ANKRD30A: variants seen among roughly 807,000 people sequenced by gnomAD.
ANKRD30A encodes ankyrin repeat domain 30A, also known as ankyrin repeat domain-containing protein 30A.
In ANKRD30A, 170 loss-of-function variants were observed where a neutral mutation model predicts 166.3. The observed-to-expected ratio is 1.02, with a 90% CI of 0.90 to 1.16. The LOEUF (loss-of-function observed/expected upper bound fraction) is 1.16, where lower values mean the gene tolerates loss of function less well. Among genes scored for constraint, ANKRD30A ranks in the 50% most tolerant of loss-of-function variants. The pLI is 0.00. For synonymous variants in ANKRD30A, 564 were observed against 508.9 expected, an observed-to-expected ratio of 1.11 and a Z score of -1.46; for missense variants, 1,630 against 1,518.0, an observed-to-expected ratio of 1.07 and a Z score of -1.23.
At chr10:37,201,943 T>A (rs921036947) in intron 31 of ANKRD30A, among the ~76,000 whole-genome samples, 1 of 151,986 alleles carries the variant, frequency 6.6e-6, no homozygotes, top group African/African-American at 2.4e-5. Flanking sequence ...ACCAGAAATT[T>A]TCATAGAAAA....
chr10:37,230,764 CT>C (rs1237960720), intron 34 of ANKRD30A, among the ~76,000 whole-genome samples: 6 of 152,062 alleles, frequency 3.9e-5, no homozygotes, highest in African/African-American at 1.4e-4. Context: ...TAAAAGCATC[CT>C]TGTGAAATGG....
chr10:37,150,746 A>T (rs893768751), intron 11 of ANKRD30A, among the ~76,000 whole-genome samples: 4 of 152,124 alleles, frequency 2.6e-5, no homozygotes, highest in African/African-American at 9.7e-5. Context: ...TTAATTGCAC[A>T]ATTTTTATGC....
chr10:37,200,203 G>T (rs1330717985), intron 30 of ANKRD30A, among the ~76,000 whole-genome samples: 1 of 152,124 alleles, frequency 6.6e-6, no homozygotes, highest in African/African-American at 2.4e-5. Context: ...TAAAAGTTGG[G>T]ACCTGAAAAG....
intron 30 of ANKRD30A, among the ~76,000 whole-genome samples, chr10:37,200,182 C>T (rs1841506243): frequency 6.6e-6 from 1 of 151,972 alleles, no homozygotes; most frequent in South Asian, 2.1e-4. Flanking sequence ...ACAGTTTAAG[C>T]TGCAGTATTG....
chr10:37,194,204 T>G (rs968304321), intron 27 of ANKRD30A, among the ~76,000 whole-genome samples: 1 of 152,056 alleles, frequency 6.6e-6, no homozygotes, highest in East Asian at 1.9e-4. Flanking sequence ...AGCAAAGAAA[T>G]AAAAACACAA....
At chr10:37,205,416 A>G (rs918976868) in intron 31 of ANKRD30A, among the ~76,000 whole-genome samples, 19 of 138,936 alleles carry the variant, frequency 1.4e-4, no homozygotes, top group African/African-American at 4.8e-4. Context: ...ACTTGGACAC[A>G]GGAAGTGCAA....
chr10:37,240,419 C>T, the ANKRD30A span, among the ~76,000 whole-genome samples: 3 of 152,126 alleles, frequency 2.0e-5, no homozygotes, highest in Non-Finnish European at 4.4e-5. Flanking sequence ...AGTTCATAAG[C>T]AGTCACGTGA....
the ANKRD30A span, among the ~76,000 whole-genome samples, chr10:37,247,677 C>T: frequency 1.3e-5 from 2 of 150,464 alleles, no homozygotes; most frequent in Non-Finnish European, 3.0e-5. Flanking sequence ...CGAGACCATC[C>T]TGGCTAACGT....
chr10:37,215,017 T>C (rs1263446039), intron 31 of ANKRD30A, among the ~76,000 whole-genome samples: 1 of 151,590 alleles, frequency 6.6e-6, no homozygotes, highest in African/African-American at 2.4e-5. Flanking sequence ...ATCTACTCAG[T>C]GTAGCTTTCA....
At position 37,159,827 on chromosome 10, in the gene ANKRD30A, T is replaced by G. The variant is rs1393331663; in HGVS notation, c.1900+1241T>G. Among the ~76,000 whole-genome samples the G allele has an allele frequency of 2.0e-5, 3 of 152,242 alleles. No individual in the cohort carries two copies. The East Asian group carries it at 5.8e-4, about 29-fold the overall frequency. ...CTCCTGCCTCAGCCTCCCGAGTAGCTGGGACTCCAGGCGCCTGCCACCATG... is the reference window on the plus strand; with the variant it reads ...CTCCTGCCTCAGCCTCCCGAGTAGCGGGGACTCCAGGCGCCTGCCACCATG... On this transcript the variant is annotated intron_variant, in intron 15 of 35. Coordinates refer to ENST00000361713, the MANE Select transcript of ANKRD30A (RefSeq NM_052997.3).
At position 37,144,995 on chromosome 10, in the gene ANKRD30A, A is replaced by T. The variant is rs1288478316; in HGVS notation, c.1394A>T (p.Asp465Val). 6.9e-6 allele frequency: 11 copies of T among 1,595,656 alleles called. No individual in the cohort carries two copies. The highest frequency in any genetic ancestry group is 1.7e-5 in the Admixed American group (1 of 57,818). ...TATATCTGTGATTAACTTTTTATAG[A>T]TCAGAGGTTCCCATCAGAATCCAAA... ...KESSTKASAN[D>V]QRFPSESKQE... The change falls in exon 8 of 36, where the codon GAT becomes GTT. Residue 465 changes from aspartate to valine, a missense_variant and splice_region_variant. Around this residue, in one of 4 missense-constraint regions of ANKRD30A, gnomAD observed 904 missense variants for 818.5 expected, o/e 1.10. Transcript: ENST00000361713.
At chr10:37,147,485 C>A (rs1270092808) in intron 9 of ANKRD30A, 28 bp downstream of exon 9, 1 of 1,456,002 alleles carries the variant, frequency 6.9e-7, no homozygotes, top group Non-Finnish European at 9.4e-7. Flanking sequence ...TTTGAAAAGT[C>A]TTTTAACCAT....
chr10:37,206,576 G>A (rs935876122), intron 31 of ANKRD30A, among the ~76,000 whole-genome samples: 1 of 152,106 alleles, frequency 6.6e-6, no homozygotes, highest in African/African-American at 2.4e-5. Flanking sequence ...GATCACTTGG[G>A]GTCAGCAGTT....
At position 37,197,288 on chromosome 10, in the gene ANKRD30A, C is replaced by G. The variant is rs574286090; in HGVS notation, c.2622C>G (p.Pro874=). The change falls in exon 28 of 36, where the codon CCC becomes CCG. Residue 874 remains proline, a synonymous_variant. Transcript: ENST00000361713. Reference sequence around the variant, plus strand: ...ATCTCTTTTGCTTTTTAGAGCCTCCCGAGAAGCCATCTGCCTTCGAGGTAT... The same window carrying G: ...ATCTCTTTTGCTTTTTAGAGCCTCCGGAGAAGCCATCTGCCTTCGAGGTAT... ...MDMQTFKAEP[P]EKPSAFEPAI... 7.7e-5 allele frequency: 125 copies of G among 1,613,070 alleles called. 1 individual carries two copies. The African/African-American group carries it at 1.4e-3, about 18-fold the overall frequency.
At chr10:37,227,354 AT>A (rs1397617589) in intron 34 of ANKRD30A, among the ~76,000 whole-genome samples, 1 of 151,938 alleles carries the variant, frequency 6.6e-6, no homozygotes, top group African/African-American at 2.4e-5. Context: ...GCATATGGAT[AT>A]CCATTTGTCC....
intron 15 of ANKRD30A, among the ~76,000 whole-genome samples, chr10:37,161,786 T>C (rs1322743413): frequency 2.0e-5 from 3 of 152,162 alleles, no homozygotes; most frequent in Non-Finnish European, 4.4e-5. Flanking sequence ...GCTTTATGTT[T>C]AAGGAAGTGT....
intron 34 of ANKRD30A, 33 bp downstream of exon 34, chr10:37,219,930 C>A: frequency 7.2e-7 from 1 of 1,392,874 alleles, no homozygotes; most frequent in Non-Finnish European, 9.3e-7. Flanking sequence ...ACTTGTCAAA[C>A]TTCCTGAAAG....
chr10:37,136,729 T>C (rs1836706459), intron 6 of ANKRD30A, 58 bp downstream of exon 6: 1 of 1,029,392 alleles, frequency 9.7e-7, no homozygotes, highest in Non-Finnish European at 1.4e-6. Context: ...TATGGAAGTG[T>C]TGATCACAAA....
chr10:37,215,402 G>C (rs1403464607), intron 31 of ANKRD30A, among the ~76,000 whole-genome samples: 1 of 151,318 alleles, frequency 6.6e-6, no homozygotes, highest in Non-Finnish European at 1.5e-5. Flanking sequence ...AATAGTAGGA[G>C]GGGTTTCCAG....
Sources: gnomAD v4.1 joint callset for allele counts (sites outside exome capture counted in the v4.1 genomes callset) on GRCh38, gnomAD v4.1.1 for gene constraint, gnomAD v4.1.1 regional missense constraint, MANE v1.5 for transcripts, NCBI Gene and HGNC (gene_info 2026-07-23, HGNC 2026-07-21) for gene names.